Variants in TEX26 observed in about 807,000 individuals in gnomAD.
The protein encoded by TEX26 is testis expressed 26, also known as testis-expressed protein 26.
TEX26 carries 34 observed loss-of-function variants against 35.3 expected under a neutral mutation model. The ratio of observed to expected loss-of-function variants is 0.96; its 90% CI spans 0.73 to 1.28. The LOEUF is 1.28. Ranked by LOEUF, TEX26 falls within the 50% of genes most tolerant of loss-of-function variation. The pLI, the probability that TEX26 is intolerant of heterozygous loss-of-function variation, is 0.00. For synonymous variants in TEX26, 136 were observed against 111.8 expected (o/e 1.22, Z -1.36); for missense variants, 371 against 330.1 (o/e 1.12, Z -0.96).
At position 30,966,409 on chromosome 13, in the gene TEX26, C is replaced by T; in HGVS notation, c.646+11C>T. ...CTTCTCAGGGTCTAGGTGAGTACAG[C>T]TGCAGTTTCTTTTTCTTTTTCTCTT... On this transcript the variant is annotated intron_variant, in intron 5 of 6. Transcript: ENST00000380473. 6.6e-7 allele frequency: 1 copy of T among 1,523,906 alleles called. No homozygotes were observed. 94.4% of individuals were successfully genotyped at this position (1,523,906 alleles called of 1,614,324 possible). A position where few individuals can be genotyped will look rare whatever the true frequency, so the allele number is the denominator to read the frequency against.
rs370683110 is a variant in TEX26 at position 30,961,616 on chromosome 13, G to T, written c.469+4587G>T. On this transcript the variant is annotated intron_variant, in intron 4 of 6. Transcript: ENST00000380473. ...GGGACAGAGGAGTCCTAACTGCAGGGATACAATCCATTGAGTTTAATGGGA... is the reference window on the plus strand; with the variant it reads ...GGGACAGAGGAGTCCTAACTGCAGGTATACAATCCATTGAGTTTAATGGGA... 1.4e-4 allele frequency among the ~76,000 whole-genome samples: 21 copies of T among 152,300 alleles called. 1 individual carries two copies. The highest frequency in any genetic ancestry group is 5.1e-4 in the African/African-American group (21 of 41,560).
intron 6 of TEX26, among the ~76,000 whole-genome samples, chr13:30,971,775 T>G (rs1954719244): frequency 6.6e-6 from 1 of 152,216 alleles, no homozygotes; most frequent in African/African-American, 2.4e-5. Flanking sequence ...GCTTACTCAT[T>G]GGGCAACTGT....
intron 3 of TEX26, among the ~76,000 whole-genome samples, chr13:30,955,959 C>T (rs539956027): frequency 9.2e-5 from 14 of 152,132 alleles, no homozygotes; most frequent in Middle Eastern, 3.4e-3. Flanking sequence ...GAAAGAGGGA[C>T]GATGGCAAGA....
intron 2 of TEX26, among the ~76,000 whole-genome samples, chr13:30,940,974 C>G (rs2183823): frequency 0.84 from 127,365 of 152,090 alleles, 53,864 homozygotes; most frequent in East Asian, 0.99. Context: ...ATCTTAAAAG[C>G]GTTCAAGATA....
chr13:30,968,182 G>T (rs1954602667), intron 5 of TEX26, among the ~76,000 whole-genome samples: 1 of 152,140 alleles, frequency 6.6e-6, no homozygotes, highest in Admixed American at 6.6e-5. Context: ...AGAACTCAAA[G>T]AAATTATGGG....
In TEX26 at chr13:30,952,682, G is replaced by C. The variant is rs780413623; in HGVS notation, c.169G>C (p.Gly57Arg). 1 of 1,604,022 alleles carries C rather than the reference G, an allele frequency of 6.2e-7. No individual in the cohort carries two copies. Among genetic ancestry groups the C allele is most frequent in the South Asian group, 1.1e-5 (1 of 87,794 alleles). Residue 57 changes from glycine (G) to arginine (R), a missense_variant, in exon 3 of 7, where the codon GGA becomes CGA. Transcript: ENST00000380473. Reference protein sequence around the residue: ...LIRQNGIRRLGYTYSLSDPIL... With the variant: ...LIRQNGIRRLRYTYSLSDPIL... ...TAGCCAAAACGGTATCAGAAGATTAGGATATACATATTCACTTAGTGATCC... is the reference window on the plus strand; with the variant it reads ...TAGCCAAAACGGTATCAGAAGATTACGATATACATATTCACTTAGTGATCC...
intron 1 of TEX26, among the ~76,000 whole-genome samples, chr13:30,939,070 C>G (rs1238750059): frequency 2.0e-5 from 3 of 152,240 alleles, no homozygotes; most frequent in African/African-American, 7.2e-5. Context: ...GAAAAAGACA[C>G]TCTGTGTCGT....
intron 6 of TEX26, among the ~76,000 whole-genome samples, chr13:30,973,856 T>C (rs975025143): frequency 6.6e-6 from 1 of 152,030 alleles, no homozygotes; most frequent in Non-Finnish European, 1.5e-5. Flanking sequence ...ATTAAAGATA[T>C]ACATGATTAG....
intron 2 of TEX26, among the ~76,000 whole-genome samples, chr13:30,944,244 T>C (rs1189402922): frequency 6.6e-6 from 1 of 152,018 alleles, no homozygotes; most frequent in African/African-American, 2.4e-5. Context: ...TTTGAGTGCA[T>C]TGAGGTGCTC....
intron 3 of TEX26, among the ~76,000 whole-genome samples, chr13:30,955,343 G>A (rs967828031): frequency 3.9e-5 from 6 of 152,194 alleles, no homozygotes; most frequent in Admixed American, 3.9e-4. Context: ...AGGAAATACA[G>A]GGGACAGAGG....
intron 5 of TEX26, 111 bp downstream of exon 5, chr13:30,966,509 C>T (rs1230792134): frequency 6.9e-6 from 7 of 1,017,084 alleles, no homozygotes; most frequent in Non-Finnish European, 9.6e-6. Flanking sequence ...ACAATCTTGG[C>T]TCACTGAGAT....
At chr13:30,962,989 A>AT (rs540943274) in intron 4 of TEX26, among the ~76,000 whole-genome samples, 2,935 of 144,396 alleles carry the variant, frequency 0.02, 30 homozygotes, top group South Asian at 0.031. Flanking sequence ...TGCCCAGCTA[A>AT]TTTTTTTTTT....
At chr13:30,932,972 T>C (rs1342684880) in intron 1 of TEX26, 196 bp downstream of exon 1, 2 of 542,474 alleles carry the variant, frequency 3.7e-6, no homozygotes, top group Admixed American at 6.3e-5. Context: ...GTCCTTCGCA[T>C]AACCTTTGCC....
intron 5 of TEX26, among the ~76,000 whole-genome samples, chr13:30,967,712 A>G (rs1373938189): frequency 6.6e-6 from 1 of 152,206 alleles, no homozygotes; most frequent in African/African-American, 2.4e-5. Context: ...AGGATTGGGT[A>G]GGTTGTGAAA....
rs762304890 is a variant in TEX26 at position 30,932,713 on chromosome 13, A to C, written c.-3A>C. On this transcript the variant is annotated 5_prime_UTR_variant, in exon 1 of 7. Transcript: ENST00000380473. ...GGGCCCCGCGGCCGCCTCCTGGGGCAGAATGGAACAGCCTGGGCCCAGGGC... is the reference window on the plus strand; with the variant it reads ...GGGCCCCGCGGCCGCCTCCTGGGGCCGAATGGAACAGCCTGGGCCCAGGGC... 1.2e-6 allele frequency: 2 copies of C among 1,613,074 alleles called. No individual in the cohort carries two copies. Among genetic ancestry groups the C allele is most frequent in the African/African-American group, 2.7e-5 (2 of 74,938 alleles).
intron 3 of TEX26, among the ~76,000 whole-genome samples, chr13:30,955,065 C>A (rs967587322): frequency 5.9e-5 from 9 of 152,104 alleles, no homozygotes; most frequent in Non-Finnish European, 1.3e-4. Context: ...TTGTGAAACA[C>A]CATTTATTCA....
intron 2 of TEX26, among the ~76,000 whole-genome samples, chr13:30,951,778 A>G (rs1057311442): frequency 8.5e-5 from 13 of 152,132 alleles, no homozygotes; most frequent in African/African-American, 2.7e-4. Context: ...AAGAAAACCA[A>G]TTCCTTAATA....
chr13:30,957,057 C>G, intron 4 of TEX26, 28 bp downstream of exon 4: 1 of 1,606,908 alleles, frequency 6.2e-7, no homozygotes, highest in Non-Finnish European at 8.5e-7. Flanking sequence ...TCTTTTTTTC[C>G]TGGGTCATGT....
Position 30,952,840 on chromosome 13 carries a change from A to C in TEX26, c.312+15A>C. The C allele has an allele frequency of 6.2e-7, 1 of 1,607,462 alleles. No individual in the cohort carries two copies. Among genetic ancestry groups the C allele is most frequent in the Non-Finnish European group, 8.5e-7 (1 of 1,176,078 alleles). On this transcript the variant is annotated intron_variant, in intron 3 of 6. Coordinates refer to ENST00000380473, the MANE Select transcript of TEX26 (RefSeq NM_152325.3). ...ATCTCAATGAAGTAAGATAATATCT[A>C]CATATGTGTTGAATTTAATACTGTA...
Sources: gnomAD v4.1 joint callset for allele counts (sites outside exome capture counted in the v4.1 genomes callset) on GRCh38, gnomAD v4.1.1 for gene constraint, MANE v1.5 for transcripts, NCBI Gene and HGNC (gene_info 2026-07-23, HGNC 2026-07-21) for gene names.